The following KAT6A variants were observed in gnomAD, a reference collection of about 807,000 sequenced individuals.
KAT6A encodes histone acetyltransferase KAT6A.
In KAT6A, 9 loss-of-function variants were observed where a neutral mutation model predicts 198.4. That is an observed-to-expected ratio of 0.05 (90% confidence interval 0.03 to 0.08). The LOEUF (loss-of-function observed/expected upper bound fraction) is 0.08, where lower values mean the gene tolerates loss of function less well. KAT6A is among the 10% of genes least tolerant of loss of function. The probability of loss-of-function intolerance (pLI) is 1.00; values close to 1 mark genes in which losing one functional copy is unlikely to be tolerated. For synonymous variants in KAT6A, 890 were observed against 883.0 expected, an observed-to-expected ratio of 1.01 and a Z score of -0.14; for missense variants, 2,077 against 2,509.9, an observed-to-expected ratio of 0.83 and a Z score of 3.69.
chr8:42,051,223 C>T (rs937338109), intron 1 of KAT6A, among the ~76,000 whole-genome samples: 1 of 151,944 alleles, frequency 6.6e-6, no homozygotes, highest in Non-Finnish European at 1.5e-5. Context: ...CGCACCGGGC[C>T]AAGCCGCGAG....
intron 2 of KAT6A, among the ~76,000 whole-genome samples, chr8:41,997,367 C>G (rs1309398119): frequency 6.6e-6 from 1 of 151,832 alleles, no homozygotes; most frequent in South Asian, 2.1e-4. Flanking sequence ...TATGTTAAAT[C>G]TGGTATGCAG....
At chr8:41,947,556 G>C (rs1822459334) in intron 11 of KAT6A, among the ~76,000 whole-genome samples, 195 bp downstream of exon 11, 1 of 152,154 alleles carries the variant, frequency 6.6e-6, no homozygotes, top group Admixed American at 6.5e-5. Flanking sequence ...ATAATCCTAG[G>C]AGAATATAGG....
chr8:41,977,764 T>A (rs1427135565), intron 6 of KAT6A, among the ~76,000 whole-genome samples: 1 of 152,174 alleles, frequency 6.6e-6, no homozygotes, highest in African/African-American at 2.4e-5. Context: ...AACACAAGGA[T>A]GGGTTATTCT....
In KAT6A at chr8:41,974,839, A is replaced by G; in HGVS notation, c.1364-17T>C. 19 of 1,523,768 alleles carry G rather than the reference A, an allele frequency of 1.2e-5. No homozygotes were observed. The highest frequency in any genetic ancestry group is 1.7e-5 in the Non-Finnish European group (19 of 1,104,764). The allele number at this position is 1,523,768 out of a possible 1,614,324, so 94.4% of individuals were successfully genotyped here. Reference sequence around the variant, plus strand: ...CCTGATTGTCTACATATAAAAAAAGAGCTCACATGTTAACTGTCCCCAGAT... The same window carrying G: ...CCTGATTGTCTACATATAAAAAAAGGGCTCACATGTTAACTGTCCCCAGAT... On this transcript the variant is annotated splice_polypyrimidine_tract_variant and intron_variant, in intron 7 of 16. Coordinates refer to ENST00000265713, the MANE Select transcript of KAT6A (RefSeq NM_006766.5).
intron 2 of KAT6A, among the ~76,000 whole-genome samples, chr8:41,995,847 G>T (rs1318960213): frequency 6.6e-6 from 1 of 151,732 alleles, no homozygotes; most frequent in Non-Finnish European, 1.5e-5. Context: ...AGCTAATTTT[G>T]TATCTTTAGT....
rs369788781 is a variant in KAT6A, at chr8:41,940,836, C to T, written c.3039+6G>A. On this transcript the variant is annotated splice_donor_region_variant and intron_variant, in intron 15 of 16. Coordinates refer to ENST00000265713, the MANE Select transcript of KAT6A (RefSeq NM_006766.5). ...GGAAGAGAAGACCTGGAAAGAAATG[C>T]GTTACCTTTCGCTTCAGCGTGGGCT... 2.6e-5 allele frequency: 41 copies of T among 1,600,986 alleles called. No homozygotes were observed. The highest frequency in any genetic ancestry group is 3.2e-5 in the Non-Finnish European group (38 of 1,175,538).
intron 12 of KAT6A, 108 bp from the exon 13 acceptor site, chr8:41,944,087 T>C: frequency 1.5e-6 from 1 of 678,740 alleles, no homozygotes; most frequent in Non-Finnish European, 2.4e-6. Context: ...ACTCCAAAGG[T>C]AAATTCCTTC....
At chr8:41,962,443 G>A (rs752035152) in intron 8 of KAT6A, among the ~76,000 whole-genome samples, 11 of 151,888 alleles carry the variant, frequency 7.2e-5, no homozygotes, top group Non-Finnish European at 1.0e-4. Flanking sequence ...GCATCGTCTC[G>A]GACTCCCTGC....
At chr8:41,964,095 A>C (rs1031581524) in intron 8 of KAT6A, among the ~76,000 whole-genome samples, 1 of 152,226 alleles carries the variant, frequency 6.6e-6, no homozygotes, top group Non-Finnish European at 1.5e-5. Context: ...CAATTTATGC[A>C]TATCTCCACA....
intron 14 of KAT6A, chr8:41,941,930 A>T (rs1436517233): frequency 5.8e-6 from 1 of 173,242 alleles, no homozygotes; most frequent in Non-Finnish European, 1.2e-5. Context: ...GGATCTTGAG[A>T]CATGGGCAAG....
rs1821761349 is a variant in KAT6A at position 41,934,669 on chromosome 8, G to A, written c.3551C>T (p.Thr1184Ile). ...KLSREIMPVS[T>I]QACVIEPIVS... is the part of the protein sequence containing the mutation. Reference sequence around the variant, plus strand: ...GATGGGCTCAATGACGCATGCTTGAGTAGAAACTGGCATGATTTCCCGACT... The same window carrying A: ...GATGGGCTCAATGACGCATGCTTGAATAGAAACTGGCATGATTTCCCGACT... The change falls in exon 17 of 17, where the codon ACT becomes ATT. Residue 1184 changes from threonine to isoleucine, a missense_variant. Thr to Ile is a moderately conservative substitution (Grantham distance 89). Transcript: ENST00000265713. The A allele has an allele frequency of 6.2e-7, 1 of 1,614,030 alleles. No homozygotes were observed. Among genetic ancestry groups the A allele is most frequent in the African/African-American group, 1.3e-5 (1 of 74,902 alleles).
At chr8:42,040,823 C>T (rs1827630964) in intron 2 of KAT6A, among the ~76,000 whole-genome samples, 1 of 150,418 alleles carries the variant, frequency 6.6e-6, no homozygotes, top group Admixed American at 6.6e-5. Flanking sequence ...ATGGCTAACC[C>T]AAGCTTTAGT....
intron 8 of KAT6A, among the ~76,000 whole-genome samples, chr8:41,964,018 T>C (rs1012770252): frequency 1.3e-5 from 2 of 152,192 alleles, no homozygotes; most frequent in Admixed American, 1.3e-4. Context: ...CTTAAAATTT[T>C]AGTTAACCAC....
intron 12 of KAT6A, among the ~76,000 whole-genome samples, 184 bp downstream of exon 12, chr8:41,946,407 C>G (rs985006323): frequency 1.3e-5 from 2 of 151,696 alleles, no homozygotes; most frequent in Non-Finnish European, 2.9e-5. Context: ...CCAGCAGTGG[C>G]TTTAGGTTTT....
rs544924028 is a variant in KAT6A at position 41,967,274 on chromosome 8, A to AAATTTATTTATTTATTT, written c.1482+7429_1482+7430insAAATAAATAAATAAATT. Among the ~76,000 whole-genome samples the AAATTTATTTATTTATTT allele has an allele frequency of 3.9e-4, 55 of 142,842 alleles. 1 individual carries two copies. Among genetic ancestry groups the AAATTTATTTATTTATTT allele is most frequent in the East Asian group, 8.0e-4 (4 of 4,976 alleles). The allele number at this position is 142,842 out of a possible 152,430, so 93.7% of individuals were successfully genotyped here. On this transcript the variant is annotated intron_variant, in intron 8 of 16. Transcript: ENST00000265713. Reference sequence around the variant, plus strand: ...GCGTCTTTCTTTTTTTAAAAAAAAAAATTTATTTATTTATTTATTTATTTA... The same window carrying AAATTTATTTATTTATTT: ...GCGTCTTTCTTTTTTTAAAAAAAAAAAATTTATTTATTTATTTATTTATTTATTTATTTATTTATTTA...
At chr8:41,980,440 T>C (rs1824292968) in intron 5 of KAT6A, among the ~76,000 whole-genome samples, 1 of 152,152 alleles carries the variant, frequency 6.6e-6, no homozygotes, top group African/African-American at 2.4e-5. Context: ...GAATAAACCA[T>C]ATCTCTATAG....
At chr8:42,018,730 C>G (rs1323237275) in intron 2 of KAT6A, among the ~76,000 whole-genome samples, 1 of 152,052 alleles carries the variant, frequency 6.6e-6, no homozygotes, top group Non-Finnish European at 1.5e-5. Flanking sequence ...CGAGACCCGC[C>G]TGGCCAACAT....
intron 2 of KAT6A, among the ~76,000 whole-genome samples, chr8:42,033,574 C>T (rs1468390674): frequency 6.6e-6 from 1 of 152,292 alleles, no homozygotes; most frequent in South Asian, 2.1e-4. Flanking sequence ...CTCTTTCCCA[C>T]CGCACCCATT....
intron 8 of KAT6A, among the ~76,000 whole-genome samples, chr8:41,968,492 T>C (rs966377957): frequency 1.3e-5 from 2 of 152,140 alleles, no homozygotes; most frequent in Non-Finnish European, 2.9e-5. Context: ...CTGGAGAGGA[T>C]GTGGAGAAAT....
Sources: gnomAD v4.1 joint callset for allele counts (sites outside exome capture counted in the v4.1 genomes callset) on GRCh38, gnomAD v4.1.1 for gene constraint, MANE v1.5 for transcripts, NCBI Gene and HGNC (gene_info 2026-07-23, HGNC 2026-07-21) for gene names.